Variants in FAM162B observed in about 807,000 individuals in gnomAD.
The protein encoded by FAM162B is family with sequence similarity 162 member B.
Under a neutral mutation model 20.0 loss-of-function variants are expected in FAM162B, and 16 were observed. The observed-to-expected ratio is 0.80, with a 90% CI of 0.54 to 1.21. The LOEUF is 1.21. Among genes scored for constraint, FAM162B ranks in the 50% most tolerant of loss-of-function variants. The pLI is 0.00. For missense variants in FAM162B, 260 were observed against 227.5 expected (o/e 1.14, Z -0.92); for synonymous variants, 83 against 89.7 (o/e 0.93, Z 0.42).
At chr6:116,761,939 C>T (rs1410311295) in intron 3 of FAM162B, 38 bp downstream of exon 3, 1 of 1,484,240 alleles carries the variant, frequency 6.7e-7, no homozygotes, top group Non-Finnish European at 9.3e-7. Flanking sequence ...GAGGTACTTA[C>T]CCTTTTAACT....
At chr6:116,763,506 T>C (rs1175362025) in intron 2 of FAM162B, among the ~76,000 whole-genome samples, 3 of 152,188 alleles carry the variant, frequency 2.0e-5, no homozygotes, top group African/African-American at 7.2e-5. Flanking sequence ...ATGTTTCCAA[T>C]GCAAAACTGC....
At chr6:116,764,048 G>A (rs1183088631) in intron 2 of FAM162B, among the ~76,000 whole-genome samples, 3 of 152,084 alleles carry the variant, frequency 2.0e-5, no homozygotes, top group Non-Finnish European at 4.4e-5. Flanking sequence ...TCCAATAAAA[G>A]AACGAAAATG....
intron 3 of FAM162B, among the ~76,000 whole-genome samples, chr6:116,759,309 T>TA (rs1193100607): frequency 5.4e-5 from 8 of 149,458 alleles, no homozygotes; most frequent in African/African-American, 2.0e-4. Context: ...CTTTTTTTTT[T>TA]TTTTTTTATT....
Position 116,765,043 on chromosome 6 carries a change from T to G in FAM162B, c.281+104A>C, listed in dbSNP as rs371163423. The G allele has an allele frequency of 1.5e-4, 160 of 1,037,606 alleles. No individual in the cohort carries two copies. The African/African-American group carries it at 2.0e-3, about 13-fold the overall frequency. The allele number at this position is 1,037,606 out of a possible 1,614,324, so 64.3% of individuals were successfully genotyped here. On this transcript the variant is annotated intron_variant, in intron 2 of 3. Transcript: ENST00000368557. ...GGGTGATATTGCGAAGTGTTGGCAC[T>G]GCGGCCGCTTTCGCTCCTAGGTGGC...
At position 116,755,003 on chromosome 6, in the gene FAM162B, C is replaced by T. The variant is rs118092502; in HGVS notation, c.391-2308G>A. ...ACTGGCCAGTCTCCCATTTCTCTCC[C>T]TCTCTTTGGGCCTCCCTATTCCTTG... On this transcript the variant is annotated intron_variant, in intron 3 of 3. Transcript: ENST00000368557. Among the ~76,000 whole-genome samples the T allele has an allele frequency of 1.2e-4, 18 of 152,296 alleles. No homozygotes were observed. The East Asian group carries it at 3.3e-3, about 28-fold the overall frequency.
At chr6:116,759,026 C>CTTAGTTT (rs944055239) in intron 3 of FAM162B, among the ~76,000 whole-genome samples, 2 of 152,120 alleles carry the variant, frequency 1.3e-5, no homozygotes, top group Admixed American at 1.3e-4. Context: ...AAATTTTAGA[C>CTTAGTTT]TTAGTTTGTC....
intron 3 of FAM162B, among the ~76,000 whole-genome samples, chr6:116,755,037 C>T (rs1388996674): frequency 2.0e-5 from 3 of 152,094 alleles, no homozygotes; most frequent in African/African-American, 7.2e-5. Flanking sequence ...TGAGATGCAA[C>T]AATATTGAAA....
At chr6:116,765,036 T>C (rs533503697) in intron 2 of FAM162B, 111 bp downstream of exon 2, 2 of 924,032 alleles carry the variant, frequency 2.2e-6, no homozygotes, top group Non-Finnish European at 3.5e-6. Flanking sequence ...TTGCGAAGTG[T>C]TGGCACTGCG....
At position 116,752,356 on chromosome 6, in the gene FAM162B, G is replaced by C; in HGVS notation, c.*241C>G. 1 of 177,120 alleles carries C rather than the reference G, an allele frequency of 5.6e-6. No individual in the cohort carries two copies. 11.0% of individuals were successfully genotyped at this position (177,120 alleles called of 1,614,324 possible). ...TATTCTACATCTTCACTTTGGCAGTGGTTACACAGGTGTTCACGACATAAA... is the reference window on the plus strand; with the variant it reads ...TATTCTACATCTTCACTTTGGCAGTCGTTACACAGGTGTTCACGACATAAA... On this transcript the variant is annotated 3_prime_UTR_variant, in exon 4 of 4. Coordinates refer to ENST00000368557, the MANE Select transcript of FAM162B (RefSeq NM_001085480.3).
chr6:116,758,633 GA>G (rs1327489008), intron 3 of FAM162B, among the ~76,000 whole-genome samples: 1 of 151,982 alleles, frequency 6.6e-6, no homozygotes, highest in Non-Finnish European at 1.5e-5. Context: ...TCTATATTTA[GA>G]AATGTCTACC....
rs1329297362 is a variant in FAM162B, at chr6:116,761,485, C to T, written c.390+492G>A. On this transcript the variant is annotated intron_variant, in intron 3 of 3. Transcript: ENST00000368557. ...CAACAACAAAGTTCTCCGTCTTCTG[C>T]AGATTTTAACCACGGTGTAAATTGT... Among the ~76,000 whole-genome samples, 4 of 151,752 alleles carry T rather than the reference C, an allele frequency of 2.6e-5. No individual in the cohort carries two copies. The East Asian group carries it at 7.7e-4, about 29-fold the overall frequency.
At chr6:116,753,326 A>C (rs1780013313) in intron 3 of FAM162B, among the ~76,000 whole-genome samples, 1 of 152,160 alleles carries the variant, frequency 6.6e-6, no homozygotes, top group Admixed American at 6.6e-5. Flanking sequence ...CATTGTTATT[A>C]AAAATGAAAA....
At chr6:116,756,497 A>C (rs906371894) in intron 3 of FAM162B, among the ~76,000 whole-genome samples, 2 of 152,234 alleles carry the variant, frequency 1.3e-5, no homozygotes, top group African/African-American at 4.8e-5. Context: ...TGGTGAAATT[A>C]GAACAAAGTA....
At chr6:116,759,188 T>TAA (rs778984385) in intron 3 of FAM162B, among the ~76,000 whole-genome samples, 5 of 152,154 alleles carry the variant, frequency 3.3e-5, no homozygotes, top group Non-Finnish European at 5.9e-5. Flanking sequence ...TGGTAGTGTT[T>TAA]AAAAGTTGCC....
chr6:116,757,265 T>C (rs1780061374), intron 3 of FAM162B, among the ~76,000 whole-genome samples: 1 of 152,226 alleles, frequency 6.6e-6, no homozygotes, highest in East Asian at 1.9e-4. Flanking sequence ...TGGATCTATG[T>C]ATCAATAAGT....
chr6:116,764,246 G>A (rs1211695980), intron 2 of FAM162B, among the ~76,000 whole-genome samples: 1 of 152,120 alleles, frequency 6.6e-6, no homozygotes, highest in African/African-American at 2.4e-5. Flanking sequence ...TCATTACATT[G>A]TACAAATATA....
chr6:116,758,589 C>G (rs1780080116), intron 3 of FAM162B, among the ~76,000 whole-genome samples: 1 of 152,032 alleles, frequency 6.6e-6, no homozygotes, highest in South Asian at 2.1e-4. Context: ...TTAAATTTAT[C>G]TATCTTTTCT....
At chr6:116,764,114 C>CA (rs1771857933) in intron 2 of FAM162B, among the ~76,000 whole-genome samples, 1 of 152,166 alleles carries the variant, frequency 6.6e-6, no homozygotes, top group Non-Finnish European at 1.5e-5. Context: ...ACCCCACCCC[C>CA]TAGCTATCTG....
intron 3 of FAM162B, among the ~76,000 whole-genome samples, chr6:116,760,963 T>C (rs1582436023): frequency 1.3e-5 from 2 of 152,208 alleles, no homozygotes; most frequent in East Asian, 3.8e-4. Context: ...CAAACTATTC[T>C]GAATGATACG....
Sources: allele counts gnomAD v4.1 joint callset (sites outside exome capture counted in the v4.1 genomes callset), GRCh38; gene constraint gnomAD v4.1.1; transcripts MANE v1.5; gene names NCBI Gene and HGNC (gene_info 2026-07-23, HGNC 2026-07-21).